NGF: variants seen among roughly 807,000 people sequenced by gnomAD.
NGF encodes beta-nerve growth factor.
A neutral mutation model predicts 12.8 loss-of-function variants in NGF; 4 were observed. That is an observed-to-expected ratio of 0.31 (90% confidence interval 0.15 to 0.72). NGF has a LOEUF of 0.72. Among genes scored for constraint, NGF ranks in the 30% least tolerant of loss-of-function variants. The pLI is 0.69. For missense variants in NGF, 283 were observed against 330.8 expected (o/e 0.86, Z 1.12); for synonymous variants, 140 against 130.0 (o/e 1.08, Z -0.52).
At chr1:115,332,359 A>G (rs1387285868) in intron 1 of NGF, among the ~76,000 whole-genome samples, 1 of 152,232 alleles carries the variant, frequency 6.6e-6, no homozygotes, top group Non-Finnish European at 1.5e-5. Context: ...ATTCTATCAA[A>G]ATGAGAATGT....
rs568120060 is a variant in NGF at position 115,336,291 on chromosome 1, T to C, written c.-137+1913A>G. Among the ~76,000 whole-genome samples the C allele has an allele frequency of 7.2e-5, 11 of 152,348 alleles. No individual in the cohort carries two copies. The East Asian group carries it at 2.1e-3, about 29-fold the overall frequency. ...GTTCTAAAATCCTCTGAGGTGCTCCTATACTTCTGTCAAATTAGTGTTCTC... is the reference window on the plus strand; with the variant it reads ...GTTCTAAAATCCTCTGAGGTGCTCCCATACTTCTGTCAAATTAGTGTTCTC... On this transcript the variant is annotated intron_variant, in intron 1 of 2. Coordinates refer to ENST00000369512, the MANE Select transcript of NGF (RefSeq NM_002506.3).
intron 2 of NGF, among the ~76,000 whole-genome samples, chr1:115,289,447 G>T (rs1653616727): frequency 6.6e-6 from 1 of 152,090 alleles, no homozygotes; most frequent in Non-Finnish European, 1.5e-5. Context: ...TCTCTCCTTT[G>T]GTGGGCTCCT....
Position 115,286,198 on chromosome 1 carries a change from A to G in NGF, c.598T>C (p.Tyr200His), listed in dbSNP as rs1475264553. 6.2e-7 allele frequency: 1 copy of G among 1,614,108 alleles called. No homozygotes were observed. Among genetic ancestry groups the G allele is most frequent in the African/African-American group, 1.3e-5 (1 of 75,036 alleles). The change falls in exon 3 of 3, where the codon TAT becomes CAT. Residue 200 changes from tyrosine to histidine, a missense_variant. Tyr to His is a moderately conservative substitution (Grantham distance 83). Coordinates refer to ENST00000369512, the MANE Select transcript of NGF (RefSeq NM_002506.3). ...ACAAAGGTGTGAGTCGTGGTACAAT[A>G]TGAGTTCCAGTGCTTTGAGTCAATG... is the stretch of plus-strand genomic sequence containing the variant. Reference protein sequence around the residue: ...RGIDSKHWNSYCTTTHTFVKA... With the variant: ...RGIDSKHWNSHCTTTHTFVKA...
intron 1 of NGF, among the ~76,000 whole-genome samples, chr1:115,299,588 C>A (rs908891335): frequency 5.3e-5 from 8 of 152,182 alleles, no homozygotes; most frequent in African/African-American, 1.9e-4. Flanking sequence ...AAACACACAG[C>A]AGCCTTCTGT....
chr1:115,314,513 T>TA (rs1327712971), intron 1 of NGF, among the ~76,000 whole-genome samples: 1 of 152,236 alleles, frequency 6.6e-6, no homozygotes, highest in African/African-American at 2.4e-5. Flanking sequence ...AATCTGTGGC[T>TA]AGTGCTTGGT....
chr1:115,290,385 T>A (rs890530196), intron 2 of NGF, among the ~76,000 whole-genome samples: 12 of 119,094 alleles, frequency 1.0e-4, no homozygotes, highest in African/African-American at 3.5e-4. Context: ...CCTTCTCTCA[T>A]CTTTTTTTTT....
intron 1 of NGF, among the ~76,000 whole-genome samples, chr1:115,306,315 T>C (rs1361488419): frequency 1.3e-5 from 2 of 152,232 alleles, no homozygotes; most frequent in Non-Finnish European, 2.9e-5. Flanking sequence ...TTGTGAATTG[T>C]TGACTTTATT....
intron 1 of NGF, among the ~76,000 whole-genome samples, chr1:115,315,821 C>G (rs897269935): frequency 2.6e-5 from 4 of 152,132 alleles, no homozygotes; most frequent in African/African-American, 9.7e-5. Context: ...ACTTCTGACT[C>G]TCATTGTACT....
intron 1 of NGF, among the ~76,000 whole-genome samples, chr1:115,301,507 T>A (rs1343885077): frequency 1.3e-5 from 2 of 152,206 alleles, no homozygotes; most frequent in African/African-American, 4.8e-5. Context: ...GGCAGCTAGT[T>A]ACTGGCAGAT....
chr1:115,325,976 C>T (rs1463071972), intron 1 of NGF, among the ~76,000 whole-genome samples: 2 of 152,056 alleles, frequency 1.3e-5, no homozygotes, highest in African/African-American at 4.8e-5. Context: ...CTTTAGACAT[C>T]CAAGTAGACA....
At chr1:115,298,591 C>G (rs910250723) in intron 1 of NGF, among the ~76,000 whole-genome samples, 2 of 151,772 alleles carry the variant, frequency 1.3e-5, no homozygotes, top group African/African-American at 4.8e-5. Context: ...TGCGGCTGCC[C>G]TGGTATCTTT....
intron 1 of NGF, among the ~76,000 whole-genome samples, chr1:115,301,546 C>T (rs1654034788): frequency 6.6e-6 from 1 of 152,182 alleles, no homozygotes; most frequent in South Asian, 2.1e-4. Flanking sequence ...GTGATGCCTC[C>T]TGTTCATCCC....
At chr1:115,303,689 T>C (rs1316289068) in intron 1 of NGF, among the ~76,000 whole-genome samples, 1 of 152,132 alleles carries the variant, frequency 6.6e-6, no homozygotes, top group Non-Finnish European at 1.5e-5. Context: ...AACATCATCA[T>C]CATGATCACC....
chr1:115,285,937 A>G lies in NGF; in HGVS notation c.*133T>C, dbSNP rs1246035599. ...CAGGATGCTTCCAAAAATTTAATAA[A>G]TAATGATTCTTTAAAACTGTATAAA... On this transcript the variant is annotated 3_prime_UTR_variant, in exon 3 of 3. Coordinates refer to ENST00000369512, the MANE Select transcript of NGF (RefSeq NM_002506.3). 4 of 1,298,994 alleles carry G rather than the reference A, an allele frequency of 3.1e-6. No individual in the cohort carries two copies. Among genetic ancestry groups the G allele is most frequent in the Non-Finnish European group, 4.1e-6 (4 of 976,546 alleles). The allele number at this position is 1,298,994 out of a possible 1,614,324, so 80.5% of individuals were successfully genotyped here. A position where few individuals can be genotyped will look rare whatever the true frequency, so the allele number is the denominator to read the frequency against.
chr1:115,337,157 C>A (rs1655129082), intron 1 of NGF, among the ~76,000 whole-genome samples: 1 of 151,886 alleles, frequency 6.6e-6, no homozygotes, highest in Admixed American at 6.5e-5. Flanking sequence ...CTTGGAAAAA[C>A]CAGCCTAGCA....
chr1:115,311,182 G>A (rs567985386), intron 1 of NGF, among the ~76,000 whole-genome samples: 1 of 152,268 alleles, frequency 6.6e-6, no homozygotes, highest in Admixed American at 6.5e-5. Flanking sequence ...CCACAAAACT[G>A]AAAATTCATT....
chr1:115,299,847 G>A (rs1459780911), intron 1 of NGF, among the ~76,000 whole-genome samples: 1 of 152,134 alleles, frequency 6.6e-6, no homozygotes, highest in Admixed American at 6.5e-5. Flanking sequence ...TCGCTGATCC[G>A]TTGTTCCCAT....
chr1:115,326,277 C>G (rs188683711), intron 1 of NGF, among the ~76,000 whole-genome samples: 6 of 152,076 alleles, frequency 3.9e-5, no homozygotes, highest in Admixed American at 6.5e-5. Context: ...GTTACATCTG[C>G]CTTAGACTGA....
At chr1:115,305,040 T>G (rs1654160978) in intron 1 of NGF, among the ~76,000 whole-genome samples, 1 of 152,184 alleles carries the variant, frequency 6.6e-6, no homozygotes, top group Non-Finnish European at 1.5e-5. Context: ...AATAGAAGTA[T>G]TAATAAGGAT....
Sources: allele counts gnomAD v4.1 joint callset (sites outside exome capture counted in the v4.1 genomes callset), GRCh38; gene constraint gnomAD v4.1.1; transcripts MANE v1.5; gene names NCBI Gene and HGNC (gene_info 2026-07-23, HGNC 2026-07-21).